GPC5: variants seen among roughly 807,000 people sequenced by gnomAD.
The protein encoded by GPC5 is glypican 5.
A neutral mutation model predicts 53.9 loss-of-function variants in GPC5; 47 were observed. The ratio of observed to expected loss-of-function variants is 0.87; its 90% CI spans 0.69 to 1.11. GPC5 has a LOEUF of 1.11. Among genes scored for constraint, GPC5 ranks in the 50% most tolerant of loss-of-function variants. The pLI, the probability that GPC5 is intolerant of heterozygous loss-of-function variation, is 0.00. For missense variants in GPC5, 748 were observed against 713.1 expected (o/e 1.05, Z -0.56); for synonymous variants, 286 against 263.3 (o/e 1.09, Z -0.84).
In GPC5 at chr13:92,049,014, G is replaced by A. The variant is rs369411355; in HGVS notation, c.1402-95816G>A. Reference sequence around the variant, plus strand: ...AAATTTTCTATCTGTCTTTCTCTTAGCATGTCAAATTAAAAAGGCCATATG... The same window carrying A: ...AAATTTTCTATCTGTCTTTCTCTTAACATGTCAAATTAAAAAGGCCATATG... On this transcript the variant is annotated intron_variant, in intron 6 of 7. Coordinates refer to ENST00000377067, the MANE Select transcript of GPC5 (RefSeq NM_004466.6). 3.3e-5 allele frequency among the ~76,000 whole-genome samples: 5 copies of A among 152,164 alleles called. No homozygotes were observed. In the East Asian group the frequency reaches 9.7e-4, roughly 29 times the overall value.
At chr13:91,908,698 AC>A (rs985960296) in intron 6 of GPC5, among the ~76,000 whole-genome samples, 2 of 152,108 alleles carry the variant, frequency 1.3e-5, no homozygotes, top group African/African-American at 2.4e-5. Context: ...TTAGAACCAA[AC>A]ATTATGTTGC....
chr13:92,345,286 T>C (rs1291074076), intron 7 of GPC5, among the ~76,000 whole-genome samples: 1 of 152,214 alleles, frequency 6.6e-6, no homozygotes, highest in Non-Finnish European at 1.5e-5. Flanking sequence ...TAATGACTGT[T>C]CTGGCATTTA....
chr13:92,037,508 G>A (rs988040743), intron 6 of GPC5, among the ~76,000 whole-genome samples: 4 of 152,066 alleles, frequency 2.6e-5, no homozygotes, highest in Non-Finnish European at 4.4e-5. Flanking sequence ...TTAATAGCAT[G>A]TACTATTTCC....
intron 7 of GPC5, among the ~76,000 whole-genome samples, chr13:92,512,257 C>CGT (rs879617043): frequency 1.4e-4 from 21 of 151,924 alleles, no homozygotes; most frequent in South Asian, 8.3e-4. Flanking sequence ...TGTGCGCGCG[C>CGT]GCGCGCGTAC....
chr13:91,881,029 G>A (rs2039258510), intron 5 of GPC5, among the ~76,000 whole-genome samples: 1 of 152,160 alleles, frequency 6.6e-6, no homozygotes, highest in Admixed American at 6.5e-5. Context: ...GAACTCAGGT[G>A]ATCTGCCCGC....
At chr13:92,458,668 G>A (rs1359255947) in intron 7 of GPC5, among the ~76,000 whole-genome samples, 1 of 152,038 alleles carries the variant, frequency 6.6e-6, no homozygotes, top group African/African-American at 2.4e-5. Context: ...GAGGAAGGGA[G>A]GGAGGCAAGA....
At chr13:92,554,994 G>T (rs1366573676) in intron 7 of GPC5, among the ~76,000 whole-genome samples, 1 of 150,516 alleles carries the variant, frequency 6.6e-6, no homozygotes, top group Non-Finnish European at 1.5e-5. Flanking sequence ...CCAGAAGTGG[G>T]AAATAGGGAG....
intron 2 of GPC5, among the ~76,000 whole-genome samples, chr13:91,520,461 A>C (rs535951977): frequency 6.6e-6 from 1 of 152,122 alleles, no homozygotes; most frequent in Admixed American, 6.6e-5. Flanking sequence ...TCAGACAATC[A>C]CTTGCAGGCC....
At chr13:92,187,691 CAT>C (rs1593975500) in intron 7 of GPC5, among the ~76,000 whole-genome samples, 1 of 152,128 alleles carries the variant, frequency 6.6e-6, no homozygotes, top group South Asian at 2.1e-4. Flanking sequence ...TAATGAGACA[CAT>C]GTGATTAATT....
chr13:91,598,619 G>A (rs1380006986), intron 2 of GPC5, among the ~76,000 whole-genome samples: 20 of 151,766 alleles, frequency 1.3e-4, no homozygotes, highest in Admixed American at 1.2e-3. Context: ...TTATACAGGA[G>A]CATTGATTTC....
rs1342965264 is a variant in GPC5 at position 92,706,754 on chromosome 13, C to T, written c.1562-159528C>T. Among the ~76,000 whole-genome samples, 3 of 152,250 alleles carry T rather than the reference C, an allele frequency of 2.0e-5. No homozygotes were observed. In the East Asian group the frequency reaches 5.8e-4, roughly 29 times the overall value. On this transcript the variant is annotated intron_variant, in intron 7 of 7. Transcript: ENST00000377067. Reference sequence around the variant, plus strand: ...ATTGAAGCATTCACATAGCCTATTACAAATCTATTTAATTGAACTGTACAT... The same window carrying T: ...ATTGAAGCATTCACATAGCCTATTATAAATCTATTTAATTGAACTGTACAT...
intron 4 of GPC5, among the ~76,000 whole-genome samples, chr13:91,741,848 T>C (rs2036940976): frequency 6.6e-6 from 1 of 152,188 alleles, no homozygotes; most frequent in Non-Finnish European, 1.5e-5. Flanking sequence ...AAATAGTCGA[T>C]TCTTTCAGAA....
chr13:92,400,679 A>G (rs1875515758), intron 7 of GPC5, among the ~76,000 whole-genome samples: 1 of 152,164 alleles, frequency 6.6e-6, no homozygotes, highest in South Asian at 2.1e-4. Context: ...TCAAGTATAT[A>G]TTTCCTACAG....
intron 7 of GPC5, among the ~76,000 whole-genome samples, chr13:92,695,542 C>T (rs1566368054): frequency 6.6e-6 from 1 of 151,868 alleles, no homozygotes; most frequent in Non-Finnish European, 1.5e-5. Flanking sequence ...ATTTGCCAAG[C>T]TCTCCAATAC....
intron 5 of GPC5, among the ~76,000 whole-genome samples, chr13:91,867,716 C>G (rs375298121): frequency 1.3e-5 from 2 of 151,944 alleles, no homozygotes; most frequent in African/African-American, 4.8e-5. Context: ...TGTAAATTCA[C>G]GAGGGATGGA....
intron 7 of GPC5, among the ~76,000 whole-genome samples, chr13:92,288,040 T>C (rs2042968307): frequency 6.6e-6 from 1 of 152,026 alleles, no homozygotes; most frequent in Non-Finnish European, 1.5e-5. Flanking sequence ...TCTCCAGGAA[T>C]TTTTTTATCT....
At chr13:92,249,768 C>T (rs978244632) in intron 7 of GPC5, among the ~76,000 whole-genome samples, 9 of 151,934 alleles carry the variant, frequency 5.9e-5, no homozygotes, top group African/African-American at 2.2e-4. Context: ...TGTTTAATTG[C>T]TTCCGTTTTG....
At chr13:91,886,645 C>T (rs2039325448) in intron 5 of GPC5, among the ~76,000 whole-genome samples, 2 of 152,154 alleles carry the variant, frequency 1.3e-5, no homozygotes, top group East Asian at 1.9e-4. Flanking sequence ...AAGGTATTTA[C>T]GCCTGTTCCA....
At chr13:92,175,971 T>C (rs752132845) in intron 7 of GPC5, among the ~76,000 whole-genome samples, 1 of 152,232 alleles carries the variant, frequency 6.6e-6, no homozygotes, top group Non-Finnish European at 1.5e-5. Context: ...GGTGACTCTG[T>C]ATGTTTGTTT....
Sources: gnomAD v4.1 joint callset for allele counts (sites outside exome capture counted in the v4.1 genomes callset) on GRCh38, gnomAD v4.1.1 for gene constraint, MANE v1.5 for transcripts, NCBI Gene and HGNC (gene_info 2026-07-23, HGNC 2026-07-21) for gene names.